PLPP4: variants seen among roughly 807,000 people sequenced by gnomAD.
PLPP4 encodes the protein phospholipid phosphatase 4, also known as diacylglycerol pyrophosphate like 2.
A neutral mutation model predicts 32.2 loss-of-function variants in PLPP4; 20 were observed. The ratio of observed to expected loss-of-function variants is 0.62; its 90% CI spans 0.44 to 0.90. The LOEUF (loss-of-function observed/expected upper bound fraction) is 0.90, where lower values mean the gene tolerates loss of function less well. Ranked by LOEUF, PLPP4 falls within the 40% of genes least tolerant of loss-of-function variation. PLPP4 has a pLI of 0.00. For synonymous variants in PLPP4, 127 were observed against 133.0 expected (o/e 0.95, Z 0.31); for missense variants, 257 against 353.1 (o/e 0.73, Z 2.18).
chr10:120,465,608 G>C (rs1848273535), intron 1 of PLPP4, among the ~76,000 whole-genome samples: 1 of 152,152 alleles, frequency 6.6e-6, no homozygotes, highest in Non-Finnish European at 1.5e-5. Context: ...ATATTTTATT[G>C]AAGTATTAGT....
chr10:120,470,388 A>C (rs1403549583), intron 1 of PLPP4, among the ~76,000 whole-genome samples: 1 of 152,048 alleles, frequency 6.6e-6, no homozygotes, highest in Non-Finnish European at 1.5e-5. Context: ...TCTATGGTTG[A>C]TTTTTAAGTT....
intron 5 of PLPP4, among the ~76,000 whole-genome samples, chr10:120,529,260 G>A (rs1165335293): frequency 6.6e-6 from 1 of 152,098 alleles, no homozygotes; most frequent in Non-Finnish European, 1.5e-5. Context: ...CAAGGATGCT[G>A]CTGAATATCC....
rs1428011497 is a variant in PLPP4, at chr10:120,554,516, G to A, written c.446-20615G>A. ...TCCAAAGACACTTCCACATTTTCAGGTATCTTTATAGCAATGCCCCACTTC... is the reference window on the plus strand; with the variant it reads ...TCCAAAGACACTTCCACATTTTCAGATATCTTTATAGCAATGCCCCACTTC... On this transcript the variant is annotated intron_variant, in intron 5 of 6. Transcript: ENST00000398250. Among the ~76,000 whole-genome samples the A allele has an allele frequency of 4.6e-5, 7 of 152,016 alleles. 1 individual carries two copies. The South Asian group carries it at 1.4e-3, about 31-fold the overall frequency.
intron 6 of PLPP4, among the ~76,000 whole-genome samples, chr10:120,579,039 T>C (rs1011873539): frequency 2.0e-5 from 3 of 152,222 alleles, no homozygotes; most frequent in Non-Finnish European, 2.9e-5. Flanking sequence ...ATTCACGCTC[T>C]TATGTGATTA....
chr10:120,480,334 T>A (rs1196445314), intron 1 of PLPP4, among the ~76,000 whole-genome samples: 1 of 152,190 alleles, frequency 6.6e-6, no homozygotes, highest in Non-Finnish European at 1.5e-5. Context: ...GTGCATCTGG[T>A]GCAGGCTGGG....
chr10:120,589,590 A>G lies in PLPP4; in HGVS notation c.*88A>G, dbSNP rs1849929119. On this transcript the variant is annotated 3_prime_UTR_variant, in exon 7 of 7. Coordinates refer to ENST00000398250, the MANE Select transcript of PLPP4 (RefSeq NM_001030059.3). ...CAATAGAAATGGTTTTCTGTAGTGT[A>G]TTTTTCATCAGTTGTTTCTCAAAGT... The G allele has an allele frequency of 9.8e-7, 1 of 1,020,038 alleles. No homozygotes were observed. The highest frequency in any genetic ancestry group is 1.6e-5 in the African/African-American group (1 of 62,528). 63.2% of individuals were successfully genotyped at this position (1,020,038 alleles called of 1,614,324 possible).
At chr10:120,555,370 A>G (rs569584575) in intron 5 of PLPP4, among the ~76,000 whole-genome samples, 1 of 152,232 alleles carries the variant, frequency 6.6e-6, no homozygotes, top group South Asian at 2.1e-4. Context: ...TTTTCCTTGC[A>G]TTGTGCCTGG....
intron 5 of PLPP4, among the ~76,000 whole-genome samples, chr10:120,540,757 A>G (rs562174075): frequency 2.6e-5 from 4 of 152,340 alleles, no homozygotes; most frequent in Non-Finnish European, 1.5e-5. Context: ...TGAAAACTAT[A>G]TAATGCATAA....
intron 2 of PLPP4, among the ~76,000 whole-genome samples, chr10:120,507,291 TG>T (rs1845531836): frequency 6.6e-6 from 1 of 152,024 alleles, no homozygotes; most frequent in African/African-American, 2.4e-5. Flanking sequence ...TAATACAAAA[TG>T]GAATCTGAAA....
chr10:120,542,859 CA>C (rs1447906714), intron 5 of PLPP4, among the ~76,000 whole-genome samples: 16 of 152,186 alleles, frequency 1.1e-4, no homozygotes, highest in Admixed American at 9.2e-4. Flanking sequence ...CGTCATCTTC[CA>C]AAATTATTCT....
At chr10:120,507,741 A>G (rs1343132960) in intron 2 of PLPP4, among the ~76,000 whole-genome samples, 1 of 152,182 alleles carries the variant, frequency 6.6e-6, no homozygotes, top group African/African-American at 2.4e-5. Flanking sequence ...TGGAGTATCT[A>G]TGCGTAAGGG....
chr10:120,569,273 G>A (rs941012162), intron 5 of PLPP4, among the ~76,000 whole-genome samples: 6 of 150,792 alleles, frequency 4.0e-5, no homozygotes, highest in African/African-American at 1.5e-4. Flanking sequence ...CTCCTCTGCT[G>A]CTACTTTCCC....
intron 5 of PLPP4, among the ~76,000 whole-genome samples, chr10:120,563,495 G>C (rs1848527771): frequency 6.6e-6 from 1 of 151,952 alleles, no homozygotes. Context: ...AGTTTACCTA[G>C]AGTTATAAAA....
chr10:120,524,168 A>G (rs966996473), intron 5 of PLPP4, among the ~76,000 whole-genome samples: 3 of 151,998 alleles, frequency 2.0e-5, no homozygotes, highest in African/African-American at 7.3e-5. Flanking sequence ...TGGTATTTTC[A>G]TTTATTTTCT....
Position 120,466,723 on chromosome 10 carries a change from AGAGACGCACCT to A in PLPP4, c.56+9366_56+9376del, listed in dbSNP as rs148373288. On this transcript the variant is annotated intron_variant, in intron 1 of 6. Transcript: ENST00000398250. ...GTGACACCCTGACTTTGCTGATTTTAGAGACGCACCTGAGCCTCCTCGTCTGTTAAACGGGT... is the reference window on the plus strand; with the variant it reads ...GTGACACCCTGACTTTGCTGATTTTAGAGCCTCCTCGTCTGTTAAACGGGT... 2.9e-4 allele frequency among the ~76,000 whole-genome samples: 44 copies of A among 151,320 alleles called. No individual in the cohort carries two copies. The East Asian group carries it at 6.6e-3, about 23-fold the overall frequency.
At chr10:120,564,993 T>G (rs1305870843) in intron 5 of PLPP4, among the ~76,000 whole-genome samples, 1 of 152,212 alleles carries the variant, frequency 6.6e-6, no homozygotes, top group Non-Finnish European at 1.5e-5. Context: ...TTTCCTCTTT[T>G]AGTTTGAAAG....
At chr10:120,530,322 GT>G (rs998900959) in intron 5 of PLPP4, among the ~76,000 whole-genome samples, 2 of 150,976 alleles carry the variant, frequency 1.3e-5, no homozygotes, top group African/African-American at 2.4e-5. Context: ...ACTGTTCAGG[GT>G]TTTTTTTTGT....
chr10:120,482,603 A>G (rs755897129), intron 1 of PLPP4, among the ~76,000 whole-genome samples: 5 of 152,134 alleles, frequency 3.3e-5, no homozygotes, highest in African/African-American at 4.8e-5. Flanking sequence ...TGACAATGCA[A>G]TTGAAAAGAA....
chr10:120,500,536 C>T (rs868255898), intron 1 of PLPP4, among the ~76,000 whole-genome samples: 1 of 152,066 alleles, frequency 6.6e-6, no homozygotes, highest in Non-Finnish European at 1.5e-5. Flanking sequence ...GGAGATGACA[C>T]CCCACAACTT....
Sources: gnomAD v4.1 joint callset for allele counts (sites outside exome capture counted in the v4.1 genomes callset) on GRCh38, gnomAD v4.1.1 for gene constraint, MANE v1.5 for transcripts, NCBI Gene and HGNC (gene_info 2026-07-23, HGNC 2026-07-21) for gene names.